PHTF1: variants seen among roughly 807,000 people sequenced by gnomAD.
The protein encoded by PHTF1 is putative homeodomain transcription factor 1, also known as protein PHTF1.
PHTF1 carries 88 observed loss-of-function variants against 102.4 expected under a neutral mutation model. That is an observed-to-expected ratio of 0.86 (90% CI 0.72 to 1.03). The LOEUF (loss-of-function observed/expected upper bound fraction) is 1.03, where lower values mean the gene tolerates loss of function less well. Ranked by LOEUF, PHTF1 falls within the 50% of genes least tolerant of loss-of-function variation. The pLI is 0.00. For missense variants in PHTF1, 814 were observed against 909.5 expected (o/e 0.89, Z 1.35); for synonymous variants, 289 against 305.2 (o/e 0.95, Z 0.55).
intron 7 of PHTF1, among the ~76,000 whole-genome samples, chr1:113,716,624 A>G (rs1652081669): frequency 6.6e-6 from 1 of 152,210 alleles, no homozygotes; most frequent in Non-Finnish European, 1.5e-5. Context: ...TGCTGGGATT[A>G]TAGGCCTGAG....
In PHTF1 at chr1:113,758,918, G is replaced by A. The variant is rs563675351; in HGVS notation, c.-31+105C>T. The A allele has an allele frequency of 1.6e-5, 19 of 1,169,128 alleles. No individual in the cohort carries two copies. The South Asian group carries it at 2.0e-4, about 13-fold the overall frequency. 72.4% of individuals were successfully genotyped at this position (1,169,128 alleles called of 1,614,324 possible). A position where few individuals can be genotyped will look rare whatever the true frequency, so the allele number is the denominator to read the frequency against. On this transcript the variant is annotated intron_variant, in intron 1 of 18. Transcript: ENST00000369604. ...CGCAGCGGCGACCGGAGAAGCCTCTGCAATATATCGGGCGAGCGTGTTCGT... is the reference window on the plus strand; with the variant it reads ...CGCAGCGGCGACCGGAGAAGCCTCTACAATATATCGGGCGAGCGTGTTCGT...
At position 113,759,094 on chromosome 1, in the gene PHTF1, C is replaced by T. The variant is rs1252555762; in HGVS notation, c.-102G>A. 2 of 991,506 alleles carry T rather than the reference C, an allele frequency of 2.0e-6. No homozygotes were observed. Among genetic ancestry groups the T allele is most frequent in the East Asian group, 1.1e-4 (1 of 9,134 alleles). The allele number at this position is 991,506 out of a possible 1,614,324, so 61.4% of individuals were successfully genotyped here. ...AGTGCCCGGGGTCCCACCGTGAGGC[C>T]GGGGGCGAGGCGGCGGGCCAGGCAG... On this transcript the variant is annotated 5_prime_UTR_variant, in exon 1 of 19. Coordinates refer to ENST00000369604, the MANE Select transcript of PHTF1 (RefSeq NM_001323043.2).
chr1:113,758,550 A>G (rs1467177938), intron 2 of PHTF1, 109 bp downstream of exon 2: 1 of 521,262 alleles, frequency 1.9e-6, no homozygotes, highest in Non-Finnish European at 3.3e-6. Context: ...TGAAGTATAC[A>G]TGAACACCTG....
At chr1:113,743,640 C>T (rs1042867350) in intron 3 of PHTF1, among the ~76,000 whole-genome samples, 8 of 152,174 alleles carry the variant, frequency 5.3e-5, no homozygotes, top group African/African-American at 1.7e-4. Flanking sequence ...TTGTTTACTC[C>T]AGCATCACTC....
At chr1:113,738,317 T>C (rs1331501644) in intron 4 of PHTF1, 49 bp from the exon 5 acceptor site, 1 of 1,440,088 alleles carries the variant, frequency 6.9e-7, no homozygotes, top group Non-Finnish European at 9.7e-7. Context: ...ATACACTGTA[T>C]TGAAGGCCAC....
At chr1:113,704,574 C>T in intron 14 of PHTF1, 92 bp downstream of exon 14, 1 of 889,088 alleles carries the variant, frequency 1.1e-6, no homozygotes, top group Non-Finnish European at 1.7e-6. Context: ...TGCCTGACAC[C>T]CAGAACTACA....
At chr1:113,719,736 A>G (rs529152280) in intron 7 of PHTF1, among the ~76,000 whole-genome samples, 8 of 152,208 alleles carry the variant, frequency 5.3e-5, no homozygotes, top group Non-Finnish European at 1.0e-4. Context: ...ACCCAGTTCC[A>G]AAGTTGTTTC....
chr1:113,715,520 T>C (rs1651844731), intron 7 of PHTF1, among the ~76,000 whole-genome samples: 1 of 151,600 alleles, frequency 6.6e-6, no homozygotes, highest in African/African-American at 2.4e-5. Flanking sequence ...CAATGGCATG[T>C]GCCTGTAGTC....
At chr1:113,734,368 T>C (rs981977487) in intron 5 of PHTF1, among the ~76,000 whole-genome samples, 2 of 152,168 alleles carry the variant, frequency 1.3e-5, no homozygotes, top group African/African-American at 2.4e-5. Flanking sequence ...AACAGACTAT[T>C]GGTAAAATAT....
chr1:113,744,074 T>A (rs1285755515), intron 3 of PHTF1, among the ~76,000 whole-genome samples: 1 of 152,212 alleles, frequency 6.6e-6, no homozygotes, highest in African/African-American at 2.4e-5. Context: ...TGGATTTCCT[T>A]ACTGGCCACA....
At position 113,759,137 on chromosome 1, in the gene PHTF1, A is replaced by C. The variant is rs551624337; in HGVS notation, c.-145T>G. The C allele has an allele frequency of 1.4e-5, 13 of 951,058 alleles. No individual in the cohort carries two copies. The highest frequency in any genetic ancestry group is 1.2e-4 in the Admixed American group (2 of 16,292). 58.9% of individuals were successfully genotyped at this position (951,058 alleles called of 1,614,324 possible). On this transcript the variant is annotated 5_prime_UTR_variant, in exon 1 of 19. Transcript: ENST00000369604. ...CCAGGCAGGCCGCATCTTCCCCTCCAGGCGGAGACGCCGGAGAGGCCGTTA... is the reference window on the plus strand; with the variant it reads ...CCAGGCAGGCCGCATCTTCCCCTCCCGGCGGAGACGCCGGAGAGGCCGTTA...
intron 11 of PHTF1, among the ~76,000 whole-genome samples, chr1:113,707,731 G>A (rs777819291): frequency 2.6e-5 from 4 of 152,094 alleles, no homozygotes; most frequent in Non-Finnish European, 5.9e-5. Flanking sequence ...TGGATAAAAT[G>A]GAGAACAAGA....
chr1:113,708,634 A>G (rs1264954153), intron 11 of PHTF1, among the ~76,000 whole-genome samples: 1 of 152,052 alleles, frequency 6.6e-6, no homozygotes, highest in Non-Finnish European at 1.5e-5. Context: ...CTCCATCTAA[A>G]AAAAAAAATG....
In PHTF1 at chr1:113,713,838, T is replaced by A. The variant is rs189332077; in HGVS notation, c.624-400A>T. The A allele has an allele frequency of 1.0e-4, 17 of 168,410 alleles. 1 individual carries two copies. The East Asian group carries it at 2.7e-3, about 27-fold the overall frequency. The allele number at this position is 168,410 out of a possible 1,614,324, so 10.4% of individuals were successfully genotyped here. The stretch of plus-strand genomic sequence containing the variant: ...ACCAGCTGGGTGGCCAGGGAGTGCA[T>A]TTTTGCCACCCTTACTGCAAAGCCA... On this transcript the variant is annotated intron_variant, in intron 7 of 18. Coordinates refer to ENST00000369604, the MANE Select transcript of PHTF1 (RefSeq NM_001323043.2).
chr1:113,747,368 C>T (rs1212512008), intron 3 of PHTF1, among the ~76,000 whole-genome samples: 1 of 152,206 alleles, frequency 6.6e-6, no homozygotes, highest in Non-Finnish European at 1.5e-5. Context: ...CCCTCTGTTA[C>T]ATATCTGCTT....
At chr1:113,731,131 C>CT (rs1654569404) in intron 5 of PHTF1, among the ~76,000 whole-genome samples, 1 of 152,028 alleles carries the variant, frequency 6.6e-6, no homozygotes, top group Admixed American at 6.6e-5. Flanking sequence ...CCACTGAACT[C>CT]TACACTGAGA....
In PHTF1 at chr1:113,713,447, TA is replaced by T. The variant is rs1314305074; in HGVS notation, c.624-10del. 2.5e-5 allele frequency: 37 copies of T among 1,451,372 alleles called. No individual in the cohort carries two copies. Among genetic ancestry groups the T allele is most frequent in the Non-Finnish European group, 3.4e-5 (36 of 1,056,874 alleles). 89.9% of individuals were successfully genotyped at this position (1,451,372 alleles called of 1,614,324 possible). ...ATTTTACTCTTTTAATCCTATTTTT[TA>T]AAAAAGGAAAAGAAGATTAATTTTT... On this transcript the variant is annotated splice_polypyrimidine_tract_variant and intron_variant, in intron 7 of 18. Coordinates refer to ENST00000369604, the MANE Select transcript of PHTF1 (RefSeq NM_001323043.2).
chr1:113,726,357 A>G, intron 6 of PHTF1, 61 bp downstream of exon 6: 8 of 1,225,296 alleles, frequency 6.5e-6, no homozygotes, highest in Non-Finnish European at 9.2e-6. Flanking sequence ...CAAAGGTTTT[A>G]TAAATCTCTA....
chr1:113,712,272 GA>G (rs1291608759), intron 8 of PHTF1, among the ~76,000 whole-genome samples, 159 bp from the exon 9 acceptor site: 1 of 152,038 alleles, frequency 6.6e-6, no homozygotes, highest in African/African-American at 2.4e-5. Context: ...TCTCAATTAA[GA>G]AAAATATTTA....
Sources: gnomAD v4.1 joint callset for allele counts (sites outside exome capture counted in the v4.1 genomes callset) on GRCh38, gnomAD v4.1.1 for gene constraint, MANE v1.5 for transcripts, NCBI Gene and HGNC (gene_info 2026-07-23, HGNC 2026-07-21) for gene names.